The following RBFOX1 variants were observed in gnomAD, a reference collection of about 807,000 sequenced individuals.
RBFOX1 encodes the protein RNA binding protein fox-1 homolog 1.
A neutral mutation model predicts 57.7 loss-of-function variants in RBFOX1; 8 were observed. That is an observed-to-expected ratio of 0.14 (90% CI 0.08 to 0.25). The LOEUF (loss-of-function observed/expected upper bound fraction) is 0.25, where lower values mean the gene tolerates loss of function less well. Among genes scored for constraint, RBFOX1 ranks in the 10% least tolerant of loss-of-function variants. The pLI is 1.00. For synonymous variants in RBFOX1, 326 were observed against 222.4 expected, an observed-to-expected ratio of 1.47 and a Z score of -4.15; for missense variants, 611 against 548.5, an observed-to-expected ratio of 1.11 and a Z score of -1.14.
intron 3 of RBFOX1, among the ~76,000 whole-genome samples, chr16:6,770,615 G>C (rs960319876): frequency 1.3e-4 from 19 of 151,844 alleles, no homozygotes; most frequent in Admixed American, 4.6e-4. Flanking sequence ...TTTAATGTGA[G>C]AAAAGAAATC....
intron 4 of RBFOX1, among the ~76,000 whole-genome samples, chr16:5,893,993 G>A (rs919821750): frequency 6.6e-6 from 1 of 152,146 alleles, no homozygotes; most frequent in Admixed American, 6.5e-5. Flanking sequence ...GGAGGGGAGG[G>A]AATCAAGGCT....
chr16:7,355,759 C>A (rs915665819), intron 4 of RBFOX1, among the ~76,000 whole-genome samples: 1 of 152,178 alleles, frequency 6.6e-6, no homozygotes, highest in Non-Finnish European at 1.5e-5. Flanking sequence ...GGACCAGTTT[C>A]TTGCATCTGT....
At position 5,946,597 on chromosome 16, in the gene RBFOX1, T is replaced by C. The variant is rs1231899651; in HGVS notation, c.351+79262T>C. 6.6e-6 allele frequency among the ~76,000 whole-genome samples: 1 copy of C among 152,204 alleles called. No homozygotes were observed. The highest frequency in any genetic ancestry group is 2.4e-5 in the African/African-American group (1 of 41,450). On this transcript the variant is annotated intron_variant, in intron 4 of 19. Coordinates refer to the RBFOX1 transcript ENST00000641259. The surrounding 1 kb of genome is among the most constrained non-coding windows in gnomAD (Gnocchi z 4.6). ...TTCCTGAGTTATATCCTTTACGATA[T>C]ACCGGTAATAGTAATTTCCTAAATT...
intron 2 of RBFOX1, among the ~76,000 whole-genome samples, chr16:6,419,584 C>A (rs1460311535): frequency 6.6e-6 from 1 of 152,070 alleles, no homozygotes; most frequent in East Asian, 1.9e-4. Context: ...TAGAGTGGGC[C>A]CCGTGCCAAT....
At chr16:5,750,378 G>C (rs949483162) in intron 3 of RBFOX1, among the ~76,000 whole-genome samples, 1 of 152,182 alleles carries the variant, frequency 6.6e-6, no homozygotes, top group African/African-American at 2.4e-5. Flanking sequence ...GGGAGAACTA[G>C]TACTCTCTTC....
intron 3 of RBFOX1, among the ~76,000 whole-genome samples, chr16:6,810,836 A>G (rs2088341227): frequency 1.3e-5 from 2 of 152,296 alleles, no homozygotes; most frequent in East Asian, 1.9e-4. Flanking sequence ...GTGCCGGGAA[A>G]GGTCGCCATG....
Position 6,982,204 on chromosome 16 carries a change from G to A in RBFOX1, c.-15-69853G>A, listed in dbSNP as rs556254943. On this transcript the variant is annotated intron_variant, in intron 3 of 15. Transcript: ENST00000550418. Reference sequence around the variant, plus strand: ...CATCCAATTTGAGAAACCTGAGAATGGTCCTGTGGTTGGCTATCAGGTACC... The same window carrying A: ...CATCCAATTTGAGAAACCTGAGAATAGTCCTGTGGTTGGCTATCAGGTACC... 3.3e-5 allele frequency among the ~76,000 whole-genome samples: 5 copies of A among 152,272 alleles called. No individual in the cohort carries two copies. In the East Asian group the frequency reaches 9.7e-4, roughly 29 times the overall value.
At chr16:5,459,254 C>G (rs890623211) in intron 1 of RBFOX1, among the ~76,000 whole-genome samples, 1 of 152,226 alleles carries the variant, frequency 6.6e-6, no homozygotes, top group Non-Finnish European at 1.5e-5. Context: ...GGGCCTCATC[C>G]TAATCTCAGA....
At chr16:6,972,206 C>G (rs192940079) in intron 3 of RBFOX1, among the ~76,000 whole-genome samples, 7 of 152,092 alleles carry the variant, frequency 4.6e-5, no homozygotes, top group African/African-American at 1.7e-4. Context: ...GCTTTTTCAT[C>G]CTCTAAATCT....
chr16:5,277,819 A>T (rs1292961533), intron 1 of RBFOX1, among the ~76,000 whole-genome samples: 3 of 152,208 alleles, frequency 2.0e-5, no homozygotes, highest in Non-Finnish European at 4.4e-5. Context: ...TTAGCTGAAA[A>T]TGACAGGATT....
chr16:7,040,822 G>A (rs17736464), intron 3 of RBFOX1, among the ~76,000 whole-genome samples: 14,347 of 152,096 alleles, frequency 0.094, 1,117 homozygotes, highest in East Asian at 0.32. Context: ...CGTAGTATAG[G>A]TCAAAGTTTG....
chr16:5,526,481 G>A (rs549134383), intron 2 of RBFOX1, among the ~76,000 whole-genome samples: 7 of 152,210 alleles, frequency 4.6e-5, no homozygotes, highest in Admixed American at 6.5e-5. Flanking sequence ...TAGAGATGGG[G>A]TTTTACCATG....
chr16:5,922,717 A>G (rs2058851337), intron 4 of RBFOX1, among the ~76,000 whole-genome samples: 1 of 152,018 alleles, frequency 6.6e-6, no homozygotes, highest in South Asian at 2.1e-4. Context: ...ATTTCCATAA[A>G]CTCTTCCAAC....
chr16:5,871,494 C>T (rs1308994552), intron 4 of RBFOX1, among the ~76,000 whole-genome samples: 2 of 152,182 alleles, frequency 1.3e-5, no homozygotes, highest in Non-Finnish European at 2.9e-5. Flanking sequence ...CCTTCAAAAT[C>T]ATTAAGCCTG....
intron 4 of RBFOX1, among the ~76,000 whole-genome samples, chr16:7,462,070 C>A (rs1318400763): frequency 6.6e-6 from 1 of 152,206 alleles, no homozygotes; most frequent in Non-Finnish European, 1.5e-5. Flanking sequence ...CTGTGAAAAT[C>A]TTCTCCTGGG....
At chr16:7,025,465 T>G (rs1273071080) in intron 3 of RBFOX1, among the ~76,000 whole-genome samples, 2 of 152,170 alleles carry the variant, frequency 1.3e-5, no homozygotes, top group African/African-American at 4.8e-5. Flanking sequence ...CTTCTGGGAA[T>G]GCATCCTAGT....
chr16:5,665,748 C>T (rs1309969791), intron 3 of RBFOX1, among the ~76,000 whole-genome samples: 1 of 152,346 alleles, frequency 6.6e-6, no homozygotes, highest in African/African-American at 2.4e-5. Flanking sequence ...GAAAACTCAG[C>T]TGCCCCAGTC....
rs149414826 is a variant in RBFOX1 at position 6,273,192 on chromosome 16, G to A, written c.-126-43803G>A. Among the ~76,000 whole-genome samples, 150 of 151,926 alleles carry A rather than the reference G, an allele frequency of 9.9e-4. 3 individuals are homozygous for A. Among genetic ancestry groups the A allele is most frequent in the African/African-American group, 3.5e-3 (147 of 41,472 alleles). ...GGAGAATGGCTTGAACCTGGAGGCA[G>A]AGGTTGCAGTGAGCCATGATCATGC... On this transcript the variant is annotated intron_variant, in intron 1 of 15. Transcript: ENST00000550418.
chr16:7,408,835 C>G (rs956519452), intron 4 of RBFOX1, among the ~76,000 whole-genome samples: 1 of 152,050 alleles, frequency 6.6e-6, no homozygotes, highest in African/African-American at 2.4e-5. Context: ...GCCATTGTCC[C>G]TAAGGCATGG....
Sources: gnomAD v4.1 joint callset for allele counts (sites outside exome capture counted in the v4.1 genomes callset) on GRCh38, gnomAD v4.1.1 for gene constraint, Gnocchi (gnomAD v3.1) non-coding constraint, MANE v1.5 for transcripts, NCBI Gene and HGNC (gene_info 2026-07-23, HGNC 2026-07-21) for gene names.